Variants in MTMR9 observed in about 807,000 individuals in gnomAD.
MTMR9 encodes myotubularin related protein 9.
A neutral mutation model predicts 69.5 loss-of-function variants in MTMR9; 39 were observed. The ratio of observed to expected loss-of-function variants is 0.56; its 90% CI spans 0.43 to 0.73. MTMR9 has a LOEUF of 0.73. Among genes scored for constraint, MTMR9 ranks in the 30% least tolerant of loss-of-function variants. MTMR9 has a pLI of 0.00. For synonymous variants in MTMR9, 354 were observed against 240.8 expected (o/e 1.47, Z -4.35); for missense variants, 900 against 671.2 (o/e 1.34, Z -3.77).
downstream of MTMR9, among the ~76,000 whole-genome samples, chr8:11,328,453 C>T (rs957535317): frequency 1.4e-4 from 21 of 152,028 alleles, no homozygotes; most frequent in African/African-American, 5.1e-4. Context: ...TCACAGGAAT[C>T]TCCCAAGAAT....
chr8:11,317,130 A>G (rs898590108), intron 8 of MTMR9: 2 of 312,948 alleles, frequency 6.4e-6, no homozygotes, highest in Admixed American at 4.7e-5. Context: ...AGGGGCAACC[A>G]TTTTAAATGT....
chr8:11,308,374 T>C (rs1800052617), intron 5 of MTMR9, among the ~76,000 whole-genome samples: 1 of 152,248 alleles, frequency 6.6e-6, no homozygotes, highest in African/African-American at 2.4e-5. Context: ...CTGGGTTTTA[T>C]TCTGTTCCAT....
At chr8:11,305,672 A>G (rs1799911895) in intron 4 of MTMR9, among the ~76,000 whole-genome samples, 1 of 152,234 alleles carries the variant, frequency 6.6e-6, no homozygotes, top group Non-Finnish European at 1.5e-5. Flanking sequence ...ACTGAAAAGG[A>G]TGGTAGAGGC....
downstream of MTMR9, among the ~76,000 whole-genome samples, chr8:11,330,179 G>A (rs1452111896): frequency 2.6e-5 from 4 of 151,476 alleles, no homozygotes; most frequent in African/African-American, 7.3e-5. Flanking sequence ...CCGGCCAGCC[G>A]CCCCGTCCGG....
chr8:11,301,928 A>C (rs1187203648), intron 3 of MTMR9, among the ~76,000 whole-genome samples: 1 of 152,168 alleles, frequency 6.6e-6, no homozygotes, highest in Admixed American at 6.6e-5. Flanking sequence ...ATAAAGGAAG[A>C]AGATCCAATA....
chr8:11,321,421 GTAGCT>G (rs2117462709), intron 9 of MTMR9: 1 of 456,284 alleles, frequency 2.2e-6, no homozygotes, highest in East Asian at 6.9e-5. Context: ...TGAAATGAGC[GTAGCT>G]GTTTGGGAGA....
chr8:11,314,562 T>A (rs1800334507), intron 6 of MTMR9, among the ~76,000 whole-genome samples: 1 of 152,212 alleles, frequency 6.6e-6, no homozygotes, highest in Non-Finnish European at 1.5e-5. Context: ...AACCAACGAT[T>A]AAAGCAGAAA....
intron 9 of MTMR9, chr8:11,321,402 T>C (rs1472122221): frequency 2.2e-6 from 1 of 456,330 alleles, no homozygotes; most frequent in Non-Finnish European, 4.4e-6. Flanking sequence ...CACTGTCACA[T>C]TTAATAACTG....
At chr8:11,299,637 C>G (rs1191585030) in intron 2 of MTMR9, among the ~76,000 whole-genome samples, 4 of 152,208 alleles carry the variant, frequency 2.6e-5, no homozygotes, top group Non-Finnish European at 5.9e-5. Context: ...TAGGTAATAA[C>G]TGGATTTTGA....
rs767747861 is a variant in MTMR9, at chr8:11,304,915, G to A, written c.492G>A (p.Val164=). 6.2e-7 allele frequency: 1 copy of A among 1,614,060 alleles called. No individual in the cohort carries two copies. Among genetic ancestry groups the A allele is most frequent in the Non-Finnish European group, 8.5e-7 (1 of 1,179,966 alleles). The part of the protein sequence containing the change: ...VCPSYPPIVT[V]PKSIDDEALR... ...CCTCTTACCCACCAATTGTCACAGT[G>A]CCCAAATCCATCGATGATGAAGCTC... Residue 164 remains valine, a synonymous_variant, in exon 4 of 10, where the codon GTG becomes GTA. Transcript: ENST00000221086.
At chr8:11,320,017 T>G (rs891094145) in intron 9 of MTMR9, 179 bp downstream of exon 9, 9 of 190,422 alleles carry the variant, frequency 4.7e-5, no homozygotes, top group Non-Finnish European at 9.1e-5. Flanking sequence ...CTAGCCACAC[T>G]TTTTTTTTTT....
At chr8:11,315,513 C>T (rs776101126) in intron 7 of MTMR9, among the ~76,000 whole-genome samples, 2 of 152,096 alleles carry the variant, frequency 1.3e-5, no homozygotes, top group Non-Finnish European at 2.9e-5. Context: ...TGGATGGCTG[C>T]CAAAATAAAA....
chr8:11,285,553 T>C (rs1396409511), intron 1 of MTMR9, among the ~76,000 whole-genome samples: 2 of 152,210 alleles, frequency 1.3e-5, no homozygotes, highest in African/African-American at 4.8e-5. Context: ...TGTATCATAT[T>C]ATTTCTTACC....
chr8:11,302,253 CAAAAAAAAAAA>C (rs34305448), intron 3 of MTMR9, among the ~76,000 whole-genome samples: 2 of 58,976 alleles, frequency 3.4e-5, no homozygotes, highest in East Asian at 5.4e-4. Context: ...ACCCTGTCTC[CAAAAAAAAAAA>C]AAAAAAAAAA....
Position 11,284,835 on chromosome 8 carries a change from G to T in MTMR9, c.-54G>T. 6.7e-7 allele frequency: 1 copy of T among 1,485,382 alleles called. No homozygotes were observed. The highest frequency in any genetic ancestry group is 2.0e-4 in the Middle Eastern group (1 of 5,024). The allele number at this position is 1,485,382 out of a possible 1,614,324, so 92.0% of individuals were successfully genotyped here. On this transcript the variant is annotated 5_prime_UTR_variant, in exon 1 of 10. Transcript: ENST00000221086. ...GTTTCCGCTACTTCCCTGCGGCGGGGTAACCGCCTCGCACCTACCGGGCTC... is the reference window on the plus strand; with the variant it reads ...GTTTCCGCTACTTCCCTGCGGCGGGTTAACCGCCTCGCACCTACCGGGCTC...
chr8:11,331,219 A>G (rs751540064), downstream of MTMR9: 41 of 1,613,834 alleles, frequency 2.5e-5, no homozygotes, highest in Admixed American at 1.2e-4. Context: ...GGTGCCACCA[A>G]TGGCCTGCTG....
At chr8:11,290,690 C>G (rs906246040) in intron 1 of MTMR9, among the ~76,000 whole-genome samples, 1 of 152,086 alleles carries the variant, frequency 6.6e-6, no homozygotes, top group Non-Finnish European at 1.5e-5. Flanking sequence ...CACGTGACAA[C>G]CCAACCTTGG....
At chr8:11,321,571 A>G (rs1393202717) in intron 9 of MTMR9, 1 of 452,446 alleles carries the variant, frequency 2.2e-6, no homozygotes, top group Non-Finnish European at 4.5e-6. Context: ...CCGGAGTTTC[A>G]GTGTGTGTTT....
chr8:11,309,857 AATAG>A (rs1800123127), intron 6 of MTMR9, among the ~76,000 whole-genome samples, 169 bp downstream of exon 6: 1 of 152,238 alleles, frequency 6.6e-6, no homozygotes, highest in African/African-American at 2.4e-5. Flanking sequence ...TCTGGCATTT[AATAG>A]ATAATGTTTG....
Sources: allele counts gnomAD v4.1 joint callset (sites outside exome capture counted in the v4.1 genomes callset), GRCh38; gene constraint gnomAD v4.1.1; transcripts MANE v1.5; gene names NCBI Gene and HGNC (gene_info 2026-07-23, HGNC 2026-07-21).